Variants in PPM1L observed in about 807,000 individuals in gnomAD.
PPM1L encodes protein phosphatase, Mg2+/Mn2+ dependent 1L.
A neutral mutation model predicts 31.4 loss-of-function variants in PPM1L; 13 were observed. That is an observed-to-expected ratio of 0.41 (90% CI 0.27 to 0.66). The LOEUF is 0.66. Among genes scored for constraint, PPM1L ranks in the 30% least tolerant of loss-of-function variants. The probability of loss-of-function intolerance (pLI) is 0.29; values close to 1 mark genes in which losing one functional copy is unlikely to be tolerated. For missense variants in PPM1L, 326 were observed against 453.7 expected, an observed-to-expected ratio of 0.72 and a Z score of 2.56; for synonymous variants, 184 against 175.4, an observed-to-expected ratio of 1.05 and a Z score of -0.39.
chr3:160,855,283 C>T (rs1368308993), intron 1 of PPM1L, among the ~76,000 whole-genome samples: 1 of 152,082 alleles, frequency 6.6e-6, no homozygotes, highest in Non-Finnish European at 1.5e-5. Flanking sequence ...TTGAAGAAAA[C>T]CTAGGAAATA....
chr3:161,061,559 T>C (rs115125995), intron 2 of PPM1L, among the ~76,000 whole-genome samples: 2,099 of 152,248 alleles, frequency 0.014, 54 homozygotes, highest in African/African-American at 0.048. Flanking sequence ...CAAAAATATT[T>C]TTAAAGCAAT....
chr3:161,030,306 A>G lies in PPM1L; in HGVS notation c.575-35097A>G, dbSNP rs1471636984. On this transcript the variant is annotated intron_variant, in intron 2 of 3. Coordinates refer to ENST00000498165, the MANE Select transcript of PPM1L (RefSeq NM_139245.4). The stretch of plus-strand genomic sequence containing the variant: ...TGTCTTCGCCATGTAAGGACACAGC[A>G]TTCATCCCTCTTCCCCCACTTTTTT... 9.9e-5 allele frequency among the ~76,000 whole-genome samples: 15 copies of G among 152,234 alleles called. 1 individual carries two copies. The South Asian group carries it at 2.9e-3, about 29-fold the overall frequency.
At chr3:161,000,691 T>C (rs1717452542) in intron 2 of PPM1L, among the ~76,000 whole-genome samples, 2 of 151,942 alleles carry the variant, frequency 1.3e-5, no homozygotes, top group African/African-American at 4.8e-5. Context: ...TATTGCCCAA[T>C]ACCTAGCCTT....
At chr3:160,974,464 T>G (rs1716491052) in intron 2 of PPM1L, among the ~76,000 whole-genome samples, 1 of 150,450 alleles carries the variant, frequency 6.6e-6, no homozygotes. Context: ...TCCACAATGG[T>G]TGAACTAGTT....
intron 1 of PPM1L, among the ~76,000 whole-genome samples, chr3:160,851,518 C>T (rs986557300): frequency 6.6e-6 from 1 of 152,054 alleles, no homozygotes; most frequent in Non-Finnish European, 1.5e-5. Context: ...GTAAATTATT[C>T]CTTTTAGAAA....
intron 1 of PPM1L, among the ~76,000 whole-genome samples, chr3:160,914,580 G>C (rs1714091597): frequency 6.6e-6 from 1 of 151,834 alleles, no homozygotes; most frequent in African/African-American, 2.4e-5. Flanking sequence ...GAGAATGATG[G>C]TTTCCAGCTT....
chr3:160,868,952 A>C (rs1228183853), intron 1 of PPM1L, among the ~76,000 whole-genome samples: 1 of 152,158 alleles, frequency 6.6e-6, no homozygotes, highest in Non-Finnish European at 1.5e-5. Context: ...TAAAACTTCA[A>C]GGTCTGGCTC....
At chr3:160,862,662 GCACACACACACA>G (rs6148164) in intron 1 of PPM1L, among the ~76,000 whole-genome samples, 8 of 127,194 alleles carry the variant, frequency 6.3e-5, no homozygotes, top group Admixed American at 1.5e-4. Flanking sequence ...CTAGGCACAC[GCACACACACACA>G]CACACACACA....
At chr3:160,849,786 G>C (rs908168062) in intron 1 of PPM1L, among the ~76,000 whole-genome samples, 1 of 151,356 alleles carries the variant, frequency 6.6e-6, no homozygotes, top group African/African-American at 2.4e-5. Context: ...GGATGGTCTC[G>C]ATCTCCTGAC....
intron 1 of PPM1L, among the ~76,000 whole-genome samples, chr3:160,789,662 G>A (rs1712041811): frequency 6.6e-6 from 1 of 151,740 alleles, no homozygotes; most frequent in African/African-American, 2.4e-5. Context: ...AAAATTTGTA[G>A]TTTATATTGA....
At chr3:160,997,241 G>A (rs1293827571) in intron 2 of PPM1L, among the ~76,000 whole-genome samples, 1 of 152,146 alleles carries the variant, frequency 6.6e-6, no homozygotes, top group Non-Finnish European at 1.5e-5. Context: ...TTAAATGAAT[G>A]AGGAGGTGAA....
chr3:160,944,884 A>G (rs1363922530), intron 1 of PPM1L, among the ~76,000 whole-genome samples: 2 of 25,654 alleles, frequency 7.8e-5, no homozygotes, highest in Non-Finnish European at 2.1e-4. Flanking sequence ...TATAACATAT[A>G]TATTATATAT....
intron 1 of PPM1L, among the ~76,000 whole-genome samples, chr3:160,926,206 A>G (rs144077449): frequency 1.3e-5 from 2 of 152,328 alleles, no homozygotes; most frequent in Admixed American, 1.3e-4. Flanking sequence ...AATGTAATTC[A>G]ATTGAAACCT....
At chr3:161,005,115 T>C (rs1021631070) in intron 2 of PPM1L, among the ~76,000 whole-genome samples, 1 of 152,222 alleles carries the variant, frequency 6.6e-6, no homozygotes, top group African/African-American at 2.4e-5. Flanking sequence ...GTGTCTTTGT[T>C]CTCATTGGTT....
At chr3:160,949,303 G>A (rs1715503829) in intron 1 of PPM1L, among the ~76,000 whole-genome samples, 1 of 152,118 alleles carries the variant, frequency 6.6e-6, no homozygotes, top group African/African-American at 2.4e-5. Flanking sequence ...GTATTTCTGG[G>A]AAAAGGATTT....
chr3:160,839,275 T>C (rs13080397), intron 1 of PPM1L, among the ~76,000 whole-genome samples: 1 of 152,090 alleles, frequency 6.6e-6, no homozygotes, highest in East Asian at 1.9e-4. Flanking sequence ...TTTACTTAGA[T>C]TATATGACGT....
intron 1 of PPM1L, among the ~76,000 whole-genome samples, chr3:160,884,771 A>C (rs1712850050): frequency 6.6e-6 from 1 of 152,204 alleles, no homozygotes; most frequent in Non-Finnish European, 1.5e-5. Flanking sequence ...GGGAAAGCTT[A>C]GTAGATGAAT....
intron 2 of PPM1L, among the ~76,000 whole-genome samples, chr3:160,994,123 T>C (rs1717227164): frequency 1.3e-5 from 2 of 152,192 alleles, no homozygotes; most frequent in African/African-American, 4.8e-5. Flanking sequence ...TTAAATATAC[T>C]TGATGAATTA....
intron 1 of PPM1L, among the ~76,000 whole-genome samples, chr3:160,834,471 A>ATGTGTGTG (rs150328470): frequency 0.018 from 2,493 of 138,958 alleles, 25 homozygotes; most frequent in Middle Eastern, 0.029. Flanking sequence ...GTGTATGTGT[A>ATGTGTGTG]TGTGTGTGTG....
Sources: allele counts gnomAD v4.1 joint callset (sites outside exome capture counted in the v4.1 genomes callset), GRCh38; gene constraint gnomAD v4.1.1; transcripts MANE v1.5; gene names NCBI Gene and HGNC (gene_info 2026-07-23, HGNC 2026-07-21).